NSD1: variants seen among roughly 807,000 people sequenced by gnomAD.
The protein encoded by NSD1 is histone-lysine N-methyltransferase, H3 lysine-36 specific.
Under a neutral mutation model 242.7 loss-of-function variants are expected in NSD1, and 26 were observed. The observed-to-expected ratio is 0.11, with a 90% CI of 0.08 to 0.15. NSD1 has a LOEUF of 0.15. Among genes scored for constraint, NSD1 ranks in the 10% least tolerant of loss-of-function variants. The pLI is 1.00. For synonymous variants in NSD1, 1,106 were observed against 1,178.1 expected (o/e 0.94, Z 1.25); for missense variants, 2,495 against 3,272.8 (o/e 0.76, Z 5.80).
chr5:177,222,362 C>T (rs1352576750), intron 5 of NSD1, among the ~76,000 whole-genome samples: 2 of 152,122 alleles, frequency 1.3e-5, no homozygotes, highest in African/African-American at 4.8e-5. Flanking sequence ...TTGGTTATAT[C>T]CCTAGGAGTA....
rs1759948478 is a variant in NSD1 at position 177,173,930 on chromosome 5, G to A, written c.928-17954G>A. On this transcript the variant is annotated intron_variant, in intron 2 of 22. Coordinates refer to ENST00000439151, the MANE Select transcript of NSD1 (RefSeq NM_022455.5). ...CACATTTAATATGTTAACTTTTAAT[G>A]GATGAAGCAGTAATTTGGTAGTTAA... 3.9e-5 allele frequency among the ~76,000 whole-genome samples: 6 copies of A among 152,200 alleles called. No individual in the cohort carries two copies. The South Asian group carries it at 1.0e-3, about 26-fold the overall frequency.
intron 5 of NSD1, among the ~76,000 whole-genome samples, chr5:177,222,611 A>T (rs1390455146): frequency 2.0e-5 from 3 of 152,052 alleles, no homozygotes; most frequent in Non-Finnish European, 4.4e-5. Context: ...ATATATTTTC[A>T]TATACTTTTG....
At chr5:177,292,188 C>T in intron 22 of NSD1, 30 bp downstream of exon 22, 1 of 1,606,418 alleles carries the variant, frequency 6.2e-7, no homozygotes. Context: ...TGTACCGCTA[C>T]TCGTTCTCTC....
chr5:177,256,893 G>A (rs1013704878), intron 12 of NSD1, 58 bp from the exon 13 acceptor site: 3 of 1,446,474 alleles, frequency 2.1e-6, no homozygotes, highest in South Asian at 1.1e-5. Flanking sequence ...TCACCTAATG[G>A]TTTAGCATTT....
At chr5:177,167,219 C>G (rs899944437) in intron 2 of NSD1, among the ~76,000 whole-genome samples, 1 of 151,818 alleles carries the variant, frequency 6.6e-6, no homozygotes, top group African/African-American at 2.4e-5. Flanking sequence ...TTTCCATTGA[C>G]TATTGTTTTC....
rs368603187 is a variant in NSD1, at chr5:177,212,324, A to G, written c.3796+129A>G. The G allele has an allele frequency of 5.2e-4, 464 of 885,528 alleles. 1 individual carries two copies. The African/African-American group carries it at 6.7e-3, about 13-fold the overall frequency. 54.9% of individuals were successfully genotyped at this position (885,528 alleles called of 1,614,324 possible). A position where few individuals can be genotyped will look rare whatever the true frequency, so the allele number is the denominator to read the frequency against. ...CTAGCGGGGAAGAATCATCACTTCA[A>G]TGAAGAAGGAGTTTTATGTAGAAAG... On this transcript the variant is annotated intron_variant, in intron 5 of 22. Transcript: ENST00000439151.
intron 20 of NSD1, among the ~76,000 whole-genome samples, chr5:177,285,630 T>C (rs1239449854): frequency 6.6e-6 from 1 of 151,334 alleles, no homozygotes; most frequent in Non-Finnish European, 1.5e-5. Context: ...AAGAAAGTTA[T>C]GATTTTTCAA....
At chr5:177,158,425 G>A (rs1397515779) in intron 2 of NSD1, among the ~76,000 whole-genome samples, 4 of 150,054 alleles carry the variant, frequency 2.7e-5, no homozygotes, top group Admixed American at 1.3e-4. Flanking sequence ...TGCAGCCTCC[G>A]CCTCTCGGGT....
intron 21 of NSD1, among the ~76,000 whole-genome samples, chr5:177,289,866 T>A (rs370582490): frequency 2.0e-5 from 3 of 151,646 alleles, no homozygotes; most frequent in East Asian, 1.9e-4. Flanking sequence ...CTCGCTCTGT[T>A]GCCCAGGCTG....
intron 2 of NSD1, among the ~76,000 whole-genome samples, chr5:177,167,437 A>G (rs1759299044): frequency 6.6e-6 from 1 of 152,110 alleles, no homozygotes; most frequent in Admixed American, 6.6e-5. Flanking sequence ...TGGGAGGCTG[A>G]GGCAGGAGAA....
In NSD1 at chr5:177,297,861, C is replaced by CCATT; in HGVS notation, c.*2407_*2410dup. 1 of 233,058 alleles carries CCATT rather than the reference C, an allele frequency of 4.3e-6. No homozygotes were observed. 14.4% of individuals were successfully genotyped at this position (233,058 alleles called of 1,614,324 possible). On this transcript the variant is annotated 3_prime_UTR_variant, in exon 23 of 23. Transcript: ENST00000439151. ...TTATTTTGGTTCTTTCCATTCTCCG[C>CCATT]CATTCATTGGAGGCTTCGTTCCAGA...
Position 177,210,128 on chromosome 5 carries a change from A to C in NSD1, c.1729A>C (p.Thr577Pro). ...TCTGTTTTCTTCCTGTGGAAAAAACACTGCAAAGAAAGAATTTGAGACTTC... is the reference window on the plus strand; with the variant it reads ...TCTGTTTTCTTCCTGTGGAAAAAACCCTGCAAAGAAAGAATTTGAGACTTC... The part of the protein sequence containing the change: ...SFLFSSCGKN[T>P]AKKEFETSNG... Residue 577 changes from threonine (T) to proline (P), a missense_variant, in exon 5 of 23, where the codon ACT (threonine) becomes CCT (proline). Thr to Pro is a conservative substitution (Grantham distance 38). Coordinates refer to ENST00000439151, the MANE Select transcript of NSD1 (RefSeq NM_022455.5). The C allele has an allele frequency of 6.2e-7, 1 of 1,613,532 alleles. No homozygotes were observed. The highest frequency in any genetic ancestry group is 8.5e-7 in the Non-Finnish European group (1 of 1,179,820).
chr5:177,274,824 C>T (rs537805415), intron 17 of NSD1, among the ~76,000 whole-genome samples: 1 of 152,016 alleles, frequency 6.6e-6, no homozygotes, highest in African/African-American at 2.4e-5. Flanking sequence ...ACATCCATCT[C>T]CCAGGTTCAA....
chr5:177,170,245 T>C (rs1412056886), intron 2 of NSD1, among the ~76,000 whole-genome samples: 3 of 152,192 alleles, frequency 2.0e-5, no homozygotes, highest in Non-Finnish European at 4.4e-5. Context: ...GTGCTGGGAT[T>C]ACAGGTGTGA....
intron 13 of NSD1, among the ~76,000 whole-genome samples, chr5:177,259,754 T>C (rs907249496): frequency 4.6e-5 from 7 of 152,188 alleles, no homozygotes; most frequent in Admixed American, 3.3e-4. Flanking sequence ...GGCTTTCCCT[T>C]GTTGAAGCAG....
chr5:177,232,041 A>T (rs372259833), intron 5 of NSD1, among the ~76,000 whole-genome samples: 1 of 152,094 alleles, frequency 6.6e-6, no homozygotes, highest in Non-Finnish European at 1.5e-5. Flanking sequence ...CTGGGACCGC[A>T]GGTGTGTGCC....
intron 2 of NSD1, among the ~76,000 whole-genome samples, chr5:177,172,211 A>C (rs781393624): frequency 1.3e-5 from 2 of 152,186 alleles, no homozygotes; most frequent in Non-Finnish European, 2.9e-5. Context: ...CCTTTGCTAA[A>C]AATATTTTTG....
At chr5:177,264,711 T>C in intron 14 of NSD1, 1 of 624,746 alleles carries the variant, frequency 1.6e-6, no homozygotes, top group East Asian at 3.1e-5. Context: ...TTGAAGAGAA[T>C]TATTAAGTAA....
At chr5:177,138,727 C>T (rs1756559430) in intron 2 of NSD1, among the ~76,000 whole-genome samples, 1 of 151,822 alleles carries the variant, frequency 6.6e-6, no homozygotes, top group Admixed American at 6.6e-5. Flanking sequence ...GCAATCTCCG[C>T]CTTCTGGGTT....
Sources: gnomAD v4.1 joint callset for allele counts (sites outside exome capture counted in the v4.1 genomes callset) on GRCh38, gnomAD v4.1.1 for gene constraint, MANE v1.5 for transcripts, NCBI Gene and HGNC (gene_info 2026-07-23, HGNC 2026-07-21) for gene names.